Variants in RANBP2 observed in about 807,000 individuals in gnomAD.
The protein encoded by RANBP2 is RAN binding protein 2.
In RANBP2, 57 loss-of-function variants were observed where a neutral mutation model predicts 303.6. The ratio of observed to expected loss-of-function variants is 0.19; its 90% CI spans 0.15 to 0.23. RANBP2 has a LOEUF of 0.23. Ranked by LOEUF, RANBP2 falls within the 10% of genes least tolerant of loss-of-function variation. The pLI, the probability that RANBP2 is intolerant of heterozygous loss-of-function variation, is 1.00. For synonymous variants in RANBP2, 1,167 were observed against 1,301.5 expected, an observed-to-expected ratio of 0.90 and a Z score of 2.23; for missense variants, 3,138 against 3,780.8, an observed-to-expected ratio of 0.83 and a Z score of 4.46.
intron 1 of RANBP2, among the ~76,000 whole-genome samples, chr2:108,720,374 A>G (rs970699690): frequency 1.3e-5 from 2 of 151,530 alleles, no homozygotes; most frequent in African/African-American, 2.4e-5. Flanking sequence ...AAAAAATTCT[A>G]AAGTTCTTAC....
chr2:109,152,083 T>C, the RANBP2 span, among the ~76,000 whole-genome samples: 6 of 152,268 alleles, frequency 3.9e-5, no homozygotes, highest in Non-Finnish European at 8.8e-5. Flanking sequence ...GTGGTCTTGA[T>C]GGACATGGAG....
chr2:109,206,708 C>G, the RANBP2 span, among the ~76,000 whole-genome samples: 4 of 152,108 alleles, frequency 2.6e-5, no homozygotes, highest in African/African-American at 9.6e-5. Flanking sequence ...TCCAGCTACT[C>G]AGGAGACTGA....
the RANBP2 span, among the ~76,000 whole-genome samples, chr2:109,170,229 CTTCTCTTCTTTTCTT>C: frequency 0.013 from 926 of 72,966 alleles, 14 homozygotes; most frequent in African/African-American, 0.044. Flanking sequence ...TTTCTCTTCT[CTTCTCTTCTTTTCTT>C]TTCTCTTCTC....
the RANBP2 span, among the ~76,000 whole-genome samples, chr2:109,698,924 A>G: frequency 6.6e-6 from 1 of 152,346 alleles, no homozygotes. Flanking sequence ...CTCCGTCTCA[A>G]AAAGAAAGAA....
the RANBP2 span, among the ~76,000 whole-genome samples, chr2:109,548,574 A>C: frequency 6.6e-6 from 1 of 152,194 alleles, no homozygotes; most frequent in South Asian, 2.1e-4. Flanking sequence ...TCAGGAGTTC[A>C]AGACCAGCCT....
chr2:109,253,091 G>A, the RANBP2 span, among the ~76,000 whole-genome samples: 5 of 151,832 alleles, frequency 3.3e-5, no homozygotes, highest in African/African-American at 1.2e-4. Context: ...GCAGTGGTGC[G>A]ATCTCAGGTC....
At chr2:109,554,358 TATACA>T in the RANBP2 span, among the ~76,000 whole-genome samples, 14 of 152,226 alleles carry the variant, frequency 9.2e-5, no homozygotes, top group Non-Finnish European at 1.3e-4. Context: ...ATACACAATG[TATACA>T]ATACATTTTT....
chr2:109,381,265 G>A, the RANBP2 span, among the ~76,000 whole-genome samples: 2 of 152,230 alleles, frequency 1.3e-5, no homozygotes, highest in African/African-American at 2.4e-5. Context: ...GGAAGTAACT[G>A]AGCTCCAATC....
the RANBP2 span, among the ~76,000 whole-genome samples, chr2:109,084,890 G>A: frequency 6.6e-6 from 1 of 152,218 alleles, no homozygotes; most frequent in Admixed American, 6.5e-5. Flanking sequence ...AGGGAGGCAA[G>A]TTAGTTGCAG....
the RANBP2 span, among the ~76,000 whole-genome samples, chr2:109,584,650 G>C: frequency 1.3e-5 from 2 of 151,850 alleles, no homozygotes; most frequent in Non-Finnish European, 2.9e-5. Flanking sequence ...GAGACACAAG[G>C]TAAAATATAA....
intron 7 of RANBP2, among the ~76,000 whole-genome samples, chr2:108,742,596 G>A (rs2059725): frequency 0.55 from 82,967 of 151,984 alleles, 26,720 homozygotes; most frequent in East Asian, 0.9. Context: ...AAGCCACCGA[G>A]CCCGGCCTGT....
the RANBP2 span, among the ~76,000 whole-genome samples, chr2:109,304,307 T>C: frequency 6.6e-6 from 1 of 152,288 alleles, no homozygotes; most frequent in East Asian, 1.9e-4. Flanking sequence ...AGATTGACTT[T>C]TTAGCTCCAA....
the RANBP2 span, among the ~76,000 whole-genome samples, chr2:109,474,077 CT>C: frequency 6.6e-6 from 1 of 152,146 alleles, no homozygotes; most frequent in African/African-American, 2.4e-5. Flanking sequence ...GGGTTCGTGG[CT>C]TCCATTTGAT....
the RANBP2 span, among the ~76,000 whole-genome samples, chr2:109,271,828 T>A: frequency 1.3e-5 from 2 of 152,258 alleles, no homozygotes; most frequent in African/African-American, 4.8e-5. Context: ...CAAATCTGAA[T>A]TGAATATAAG....
the RANBP2 span, among the ~76,000 whole-genome samples, chr2:109,101,583 C>T: frequency 2.0e-5 from 3 of 152,128 alleles, no homozygotes; most frequent in African/African-American, 7.2e-5. Context: ...AAACCCCATA[C>T]TGTGCAATCC....
At chr2:108,806,977 ACTGAAAC>A in the RANBP2 span, among the ~76,000 whole-genome samples, 17 of 152,174 alleles carry the variant, frequency 1.1e-4, no homozygotes, top group Non-Finnish European at 2.4e-4. Flanking sequence ...ACTTTCCTAA[ACTGAAAC>A]CTGGCCTTGA....
chr2:109,095,387 C>T, the RANBP2 span, among the ~76,000 whole-genome samples: 1 of 152,076 alleles, frequency 6.6e-6, no homozygotes, highest in African/African-American at 2.4e-5. Context: ...TAAAAGATTA[C>T]AAGAAGGCAT....
the RANBP2 span, among the ~76,000 whole-genome samples, chr2:109,395,423 C>T: frequency 0.025 from 3,878 of 152,304 alleles, 67 homozygotes; most frequent in Middle Eastern, 0.048. Flanking sequence ...CCCTCGGCAG[C>T]GGTTCGCCTG....
chr2:108,977,361 C>CG, the RANBP2 span, among the ~76,000 whole-genome samples: 1 of 152,194 alleles, frequency 6.6e-6, no homozygotes, highest in Non-Finnish European at 1.5e-5. Context: ...CTGCGCCTCC[C>CG]GGGTTCACGC....
Sources: allele counts gnomAD v4.1 joint callset (sites outside exome capture counted in the v4.1 genomes callset), GRCh38; gene constraint gnomAD v4.1.1; transcripts MANE v1.5; gene names NCBI Gene and HGNC (gene_info 2026-07-23, HGNC 2026-07-21).